Variants in RMDN1 observed in about 807,000 individuals in gnomAD.
The protein encoded by RMDN1 is regulator of microtubule dynamics 1.
RMDN1 carries 48 observed loss-of-function variants against 48.9 expected under a neutral mutation model. The ratio of observed to expected loss-of-function variants is 0.98; its 90% CI spans 0.78 to 1.25. The LOEUF (loss-of-function observed/expected upper bound fraction) is 1.25. Among genes scored for constraint, RMDN1 ranks in the 50% most tolerant of loss-of-function variants. The pLI, the probability that RMDN1 is intolerant of heterozygous loss-of-function variation, is 0.00. For missense variants in RMDN1, 418 were observed against 373.4 expected, an observed-to-expected ratio of 1.12 and a Z score of -0.98; for synonymous variants, 148 against 132.6, an observed-to-expected ratio of 1.12 and a Z score of -0.80.
chr8:86,480,431 A>G (rs573232113), intron 5 of RMDN1, 99 bp from the exon 6 acceptor site: 18 of 596,244 alleles, frequency 3.0e-5, no homozygotes, highest in African/African-American at 2.1e-4. Flanking sequence ...TAAAAAATGC[A>G]ACTGTGTGTT....
Position 86,472,668 on chromosome 8 carries a change from T to G in RMDN1, c.*1640A>C, listed in dbSNP as rs1204014499. ...CAGTGGTGTGTCATATTTTTTTTTT[T>G]GCCATCCTTGTTCCTGTGCGAGTTA... On this transcript the variant is annotated 3_prime_UTR_variant, in exon 10 of 10. Coordinates refer to ENST00000406452, the MANE Select transcript of RMDN1 (RefSeq NM_016033.3). 6 of 552,910 alleles carry G rather than the reference T, an allele frequency of 1.1e-5. No individual in the cohort carries two copies. Among genetic ancestry groups the G allele is most frequent in the Middle Eastern group, 4.7e-4 (1 of 2,128 alleles). 34.3% of individuals were successfully genotyped at this position (552,910 alleles called of 1,614,324 possible). A position where few individuals can be genotyped will look rare whatever the true frequency, so the allele number is the denominator to read the frequency against.
rs1554594113 is a variant in RMDN1, at chr8:86,503,389, AC to A, written c.247+3605del. On this transcript the variant is annotated intron_variant, in intron 2 of 9. Transcript: ENST00000406452. Reference sequence around the variant, plus strand: ...AACAAAACAAAAAAAAAAAAAAAAAACAAAAAAAAATAACAAAAATAACTTG... The same window carrying A: ...AACAAAACAAAAAAAAAAAAAAAAAAAAAAAAAAATAACAAAAATAACTTG... 3.2e-3 allele frequency among the ~76,000 whole-genome samples: 216 copies of A among 67,544 alleles called. 6 individuals are homozygous for A. The highest frequency in any genetic ancestry group is 6.0e-3 in the Admixed American group (26 of 4,300). The allele number at this position is 67,544 out of a possible 152,430, so 44.3% of individuals were successfully genotyped here.
At chr8:86,487,445 G>T (rs191616052) in intron 3 of RMDN1, among the ~76,000 whole-genome samples, 7 of 152,040 alleles carry the variant, frequency 4.6e-5, no homozygotes, top group African/African-American at 1.7e-4. Flanking sequence ...AAAATTAGCC[G>T]GGTGTGGTGG....
chr8:86,478,822 C>G, intron 7 of RMDN1, 101 bp downstream of exon 7: 1 of 893,356 alleles, frequency 1.1e-6, no homozygotes, highest in Non-Finnish European at 1.9e-6. Context: ...AGAAATTGCT[C>G]AAGTCCCTCA....
At chr8:86,510,499 C>A (rs1819991186), upstream of RMDN1, among the ~76,000 whole-genome samples, 2 of 152,076 alleles carry the variant, frequency 1.3e-5, no homozygotes, top group Non-Finnish European at 2.9e-5. Context: ...ATAGTCCCAT[C>A]GGTTTAAAGC....
chr8:86,499,681 C>G (rs1563646924), intron 2 of RMDN1, among the ~76,000 whole-genome samples: 1 of 151,676 alleles, frequency 6.6e-6, no homozygotes, highest in Non-Finnish European at 1.5e-5. Flanking sequence ...CACAGAGTTA[C>G]AAAAAACTAC....
At chr8:86,504,969 T>A (rs1819065365) in intron 2 of RMDN1, 3 of 1,430,002 alleles carry the variant, frequency 2.1e-6, no homozygotes, top group Non-Finnish European at 2.9e-6. Context: ...CACATGGGCC[T>A]TTAAAAGGCA....
chr8:86,482,953 C>G (rs913952206), intron 5 of RMDN1: 1 of 775,952 alleles, frequency 1.3e-6, no homozygotes, highest in Non-Finnish European at 2.3e-6. Context: ...GACGAGGTCC[C>G]CGGCGGACTG....
chr8:86,480,365 G>A (rs1175988778), intron 5 of RMDN1, 33 bp from the exon 6 acceptor site: 2 of 1,279,008 alleles, frequency 1.6e-6, no homozygotes, highest in Non-Finnish European at 2.2e-6. Context: ...AATCATATTT[G>A]TTTTCTAAAC....
intron 8 of RMDN1, 123 bp from the exon 9 acceptor site, chr8:86,475,076 A>G: frequency 1.4e-6 from 1 of 715,932 alleles, no homozygotes; most frequent in Non-Finnish European, 2.2e-6. Context: ...GACTAATGGG[A>G]ATTCTCTTTT....
chr8:86,503,463 G>A (rs1818747054), intron 2 of RMDN1: 1 of 201,814 alleles, frequency 5.0e-6, no homozygotes, highest in Non-Finnish European at 1.0e-5. Flanking sequence ...AGGACCTGGA[G>A]AAAACTCGTT....
intron 2 of RMDN1, among the ~76,000 whole-genome samples, chr8:86,493,190 G>A (rs1015643385): frequency 1.3e-4 from 19 of 151,982 alleles, no homozygotes; most frequent in African/African-American, 2.9e-4. Flanking sequence ...TAAACATGCC[G>A]AGCAACTAAT....
upstream of RMDN1, among the ~76,000 whole-genome samples, chr8:86,511,074 G>A (rs1820026662): frequency 6.6e-6 from 1 of 152,118 alleles, no homozygotes; most frequent in East Asian, 1.9e-4. Flanking sequence ...TGAGCTGGGA[G>A]GATCATTTGA....
downstream of RMDN1, among the ~76,000 whole-genome samples, chr8:86,472,195 A>G (rs992232101): frequency 6.6e-6 from 1 of 152,214 alleles, no homozygotes; most frequent in South Asian, 2.1e-4. Context: ...TACACACACA[A>G]ACACACATGT....
At position 86,490,322 on chromosome 8, in the gene RMDN1, A is replaced by C. The variant is rs532748006; in HGVS notation, c.248-1683T>G. Among the ~76,000 whole-genome samples, 9 of 152,338 alleles carry C rather than the reference A, an allele frequency of 5.9e-5. No individual in the cohort carries two copies. The East Asian group carries it at 1.7e-3, about 29-fold the overall frequency. On this transcript the variant is annotated intron_variant, in intron 2 of 9. Coordinates refer to ENST00000406452, the MANE Select transcript of RMDN1 (RefSeq NM_016033.3). ...TAAGGCTGCTAATCAGCTAATATTAAAACAGGAAATTATCCTGGATTACCC... is the reference window on the plus strand; with the variant it reads ...TAAGGCTGCTAATCAGCTAATATTACAACAGGAAATTATCCTGGATTACCC...
At chr8:86,510,448 G>C (rs190993273), upstream of RMDN1, among the ~76,000 whole-genome samples, 1 of 151,326 alleles carries the variant, frequency 6.6e-6, no homozygotes, top group African/African-American at 2.4e-5. Context: ...TCTTTAAATC[G>C]TCAGCCTTGG....
At position 86,472,566 on chromosome 8, in the gene RMDN1, C is replaced by G; in HGVS notation, c.*1742G>C. The G allele has an allele frequency of 1.5e-6, 1 of 686,540 alleles. No homozygotes were observed. The highest frequency in any genetic ancestry group is 1.6e-5 in the South Asian group (1 of 64,436). The allele number at this position is 686,540 out of a possible 1,614,324, so 42.5% of individuals were successfully genotyped here. On this transcript the variant is annotated 3_prime_UTR_variant, in exon 10 of 10. Coordinates refer to ENST00000406452, the MANE Select transcript of RMDN1 (RefSeq NM_016033.3). Reference sequence around the variant, plus strand: ...ACTGAAAGCCTGCCATTGTTGTTGCCGTTTAACAGCTGATACAGGTTTCTG... The same window carrying G: ...ACTGAAAGCCTGCCATTGTTGTTGCGGTTTAACAGCTGATACAGGTTTCTG...
chr8:86,494,832 G>A (rs1345605973), intron 2 of RMDN1: 1 of 311,700 alleles, frequency 3.2e-6, no homozygotes, highest in Admixed American at 4.5e-5. Context: ...AAATTACCTG[G>A]GCATCATGGC....
intron 1 of RMDN1, among the ~76,000 whole-genome samples, chr8:86,507,339 C>A (rs1819538697): frequency 6.6e-6 from 1 of 152,148 alleles, no homozygotes. Context: ...CACACTCCTG[C>A]TGGAAAGGAA....
Sources: gnomAD v4.1 joint callset for allele counts (sites outside exome capture counted in the v4.1 genomes callset) on GRCh38, gnomAD v4.1.1 for gene constraint, MANE v1.5 for transcripts, NCBI Gene and HGNC (gene_info 2026-07-23, HGNC 2026-07-21) for gene names.